Variants in SETD2 observed in about 807,000 individuals in gnomAD.
SETD2 encodes histone-lysine N-methyltransferase SETD2.
Under a neutral mutation model 242.1 loss-of-function variants are expected in SETD2, and 31 were observed. The observed-to-expected ratio is 0.13, with a 90% CI of 0.10 to 0.17. The LOEUF (loss-of-function observed/expected upper bound fraction) is 0.17, where lower values mean the gene tolerates loss of function less well. Among genes scored for constraint, SETD2 ranks in the 10% least tolerant of loss-of-function variants. The pLI is 1.00. For synonymous variants in SETD2, 1,006 were observed against 1,066.5 expected (o/e 0.94, Z 1.11); for missense variants, 2,481 against 3,046.3 (o/e 0.81, Z 4.37).
At chr3:47,064,084 C>T (rs557166598) in intron 13 of SETD2, among the ~76,000 whole-genome samples, 1 of 152,208 alleles carries the variant, frequency 6.6e-6, no homozygotes, top group Admixed American at 6.5e-5. Flanking sequence ...GTTAGTATTG[C>T]TCTCTTATTG....
At chr3:47,099,872 A>C (rs562436163) in intron 8 of SETD2, among the ~76,000 whole-genome samples, 23 of 152,354 alleles carry the variant, frequency 1.5e-4, no homozygotes, top group African/African-American at 5.3e-4. Context: ...AGGCAGAATA[A>C]ATGTTTAAAT....
chr3:47,087,324 T>C (rs1199722627), intron 10 of SETD2, among the ~76,000 whole-genome samples: 10 of 152,058 alleles, frequency 6.6e-5, no homozygotes, highest in Non-Finnish European at 1.3e-4. Context: ...GGGAAGATAA[T>C]TTTTCAACAA....
intron 15 of SETD2, among the ~76,000 whole-genome samples, chr3:47,051,985 A>G (rs1342282795): frequency 6.6e-6 from 1 of 152,182 alleles, no homozygotes; most frequent in African/African-American, 2.4e-5. Context: ...TGGCTGGGAG[A>G]TAACAACAGC....
At chr3:47,078,640 T>A (rs2041198345) in intron 12 of SETD2, among the ~76,000 whole-genome samples, 1 of 151,428 alleles carries the variant, frequency 6.6e-6, no homozygotes, top group Admixed American at 6.6e-5. Flanking sequence ...CTGATTTTGG[T>A]AAGTACACTA....
chr3:47,163,527 G>A, intron 1 of SETD2: 1 of 157,982 alleles, frequency 6.3e-6, no homozygotes, highest in Non-Finnish European at 1.4e-5. Flanking sequence ...GAGCCCGAGA[G>A]GACCGCCGAG....
chr3:47,051,438 T>G (rs373575581), intron 15 of SETD2, among the ~76,000 whole-genome samples: 1 of 152,100 alleles, frequency 6.6e-6, no homozygotes, highest in Non-Finnish European at 1.5e-5. Context: ...TCCTGCAATC[T>G]CTTTTACCCA....
At chr3:47,111,832 C>G (rs1481027498) in intron 5 of SETD2, among the ~76,000 whole-genome samples, 1 of 150,692 alleles carries the variant, frequency 6.6e-6, no homozygotes, top group African/African-American at 2.4e-5. Context: ...AAGGGGAAAA[C>G]AGTGAGAAAA....
intron 18 of SETD2, among the ~76,000 whole-genome samples, chr3:47,036,000 T>C (rs1304219813): frequency 6.6e-6 from 1 of 152,228 alleles, no homozygotes. Context: ...TCCACATGGA[T>C]TGAACGTAAG....
At chr3:47,050,985 G>A (rs1460050439) in intron 15 of SETD2, among the ~76,000 whole-genome samples, 3 of 151,626 alleles carry the variant, frequency 2.0e-5, no homozygotes, top group African/African-American at 7.3e-5. Flanking sequence ...CCCACACCTC[G>A]GCTTCCCAAA....
intron 15 of SETD2, among the ~76,000 whole-genome samples, chr3:47,049,332 TATATATATATATA>T (rs2039692040): frequency 3.3e-5 from 4 of 122,080 alleles, no homozygotes; most frequent in African/African-American, 1.6e-4. Context: ...TATATATATA[TATATATATATATA>T]TATGTATTCT....
chr3:47,162,847 T>C (rs1245737577), intron 1 of SETD2, among the ~76,000 whole-genome samples: 2 of 152,170 alleles, frequency 1.3e-5, no homozygotes, highest in Admixed American at 6.5e-5. Flanking sequence ...GGGAAAGAAG[T>C]GACTCCAGGC....
chr3:47,034,966 G>A (rs946947403), intron 18 of SETD2, among the ~76,000 whole-genome samples: 3 of 152,180 alleles, frequency 2.0e-5, no homozygotes, highest in Non-Finnish European at 4.4e-5. Flanking sequence ...TTCAGGCATT[G>A]CCTTTTGGAT....
chr3:47,150,439 C>A (rs1337997790), intron 1 of SETD2, among the ~76,000 whole-genome samples: 2 of 152,036 alleles, frequency 1.3e-5, no homozygotes, highest in Non-Finnish European at 2.9e-5. Flanking sequence ...AATGAGATTA[C>A]TGATCTGAGA....
intron 3 of SETD2, among the ~76,000 whole-genome samples, chr3:47,117,295 A>C (rs1299021752): frequency 6.7e-6 from 1 of 149,374 alleles, no homozygotes; most frequent in African/African-American, 2.5e-5. Flanking sequence ...CAAAAAAAAA[A>C]ACATGAGAAG....
chr3:47,146,370 G>A (rs1351040672), intron 1 of SETD2, among the ~76,000 whole-genome samples: 2 of 152,156 alleles, frequency 1.3e-5, no homozygotes, highest in African/African-American at 4.8e-5. Flanking sequence ...GCTCACGCCT[G>A]TAATTCCCAC....
chr3:47,106,564 C>A lies in SETD2; in HGVS notation c.4716-444G>T, dbSNP rs191156528. Among the ~76,000 whole-genome samples, 5 of 138,686 alleles carry A rather than the reference C, an allele frequency of 3.6e-5. No homozygotes were observed. In the East Asian group the frequency reaches 8.7e-4, roughly 24 times the overall value. 91.0% of individuals were successfully genotyped at this position (138,686 alleles called of 152,430 possible). On this transcript the variant is annotated intron_variant, in intron 5 of 20. Coordinates refer to ENST00000409792, the MANE Select transcript of SETD2 (RefSeq NM_014159.7). ...CAGAGGCTCATGCCTATAATCCCAG[C>A]ACTTTGGGAGGTAGAGGCGGGTGGA...
chr3:47,028,951 C>CA (rs1355854446), intron 18 of SETD2: 1 of 199,614 alleles, frequency 5.0e-6, no homozygotes, highest in Non-Finnish European at 1.0e-5. Context: ...GCCATGAAGA[C>CA]AGCCAACACT....
chr3:47,042,819 T>C, intron 16 of SETD2, 119 bp from the exon 17 acceptor site: 1 of 925,138 alleles, frequency 1.1e-6, no homozygotes, highest in Non-Finnish European at 1.7e-6. Flanking sequence ...AAAAAAAGGA[T>C]AAAGGAAAGG....
intron 19 of SETD2, among the ~76,000 whole-genome samples, chr3:47,018,682 C>T (rs1269883011): frequency 6.6e-6 from 1 of 152,198 alleles, no homozygotes; most frequent in African/African-American, 2.4e-5. Flanking sequence ...TCCCCTCAAA[C>T]ACAGATAGGG....
Sources: allele counts gnomAD v4.1 joint callset (sites outside exome capture counted in the v4.1 genomes callset), GRCh38; gene constraint gnomAD v4.1.1; transcripts MANE v1.5; gene names NCBI Gene and HGNC (gene_info 2026-07-23, HGNC 2026-07-21).